Variants in COMMD6 observed in about 807,000 individuals in gnomAD.
COMMD6 encodes COMM domain containing 6.
A neutral mutation model predicts 13.4 loss-of-function variants in COMMD6; 11 were observed. The observed-to-expected ratio is 0.82, with a 90% CI of 0.52 to 1.36. COMMD6 has a LOEUF of 1.36. Among genes scored for constraint, COMMD6 ranks in the 40% most tolerant of loss-of-function variants. The pLI is 0.00. For missense variants in COMMD6, 124 were observed against 102.4 expected (o/e 1.21, Z -0.91); for synonymous variants, 43 against 36.5 (o/e 1.18, Z -0.64).
chr13:75,535,155 GAA>G (rs55887720), intron 2 of COMMD6, among the ~76,000 whole-genome samples: 74,916 of 151,230 alleles, frequency 0.5, 20,004 homozygotes, highest in East Asian at 0.66. Flanking sequence ...AGGACCTGGA[GAA>G]AAGAGCATTC....
chr13:75,537,874 T>C (rs1468288465), upstream of COMMD6: 7 of 1,496,058 alleles, frequency 4.7e-6, no homozygotes, highest in African/African-American at 1.4e-5. Context: ...CGCTTCCACG[T>C]CCTGCCCCTA....
At position 75,537,695 on chromosome 13, in the gene COMMD6, A is replaced by T; in HGVS notation, c.43-20T>A. 1 of 1,614,048 alleles carries T rather than the reference A, an allele frequency of 6.2e-7. No homozygotes were observed. The highest frequency in any genetic ancestry group is 8.5e-7 in the Non-Finnish European group (1 of 1,179,936). ...GGTGACCTGAAACGGAAGCAGAAAC[A>T]CAATTTAGAGAAACATCTTTCTTGC... On this transcript the variant is annotated intron_variant, in intron 1 of 3. Coordinates refer to ENST00000682242, the MANE Select transcript of COMMD6 (RefSeq NM_203495.4).
chr13:75,532,107 T>C (rs924076003), intron 2 of COMMD6, among the ~76,000 whole-genome samples: 3 of 152,340 alleles, frequency 2.0e-5, no homozygotes, highest in Non-Finnish European at 2.9e-5. Context: ...AAAGAGAATA[T>C]GCCTATCCTT....
intron 3 of COMMD6, chr13:75,527,818 C>T: frequency 6.6e-7 from 1 of 1,508,956 alleles, no homozygotes. Flanking sequence ...CTCACAGAAG[C>T]AGAAAGGAGA....
At chr13:75,535,767 G>C (rs986213191) in intron 2 of COMMD6, among the ~76,000 whole-genome samples, 2 of 152,192 alleles carry the variant, frequency 1.3e-5, no homozygotes, top group African/African-American at 2.4e-5. Flanking sequence ...TTGTTGCTAG[G>C]ACAGGTGGTG....
intron 2 of COMMD6, chr13:75,537,258 AT>A: frequency 7.0e-7 from 1 of 1,418,814 alleles, no homozygotes; most frequent in Non-Finnish European, 9.5e-7. Flanking sequence ...AGCATTATAA[AT>A]GCATACTCTA....
rs760912751 is a variant in COMMD6, at chr13:75,537,770, C to T, written c.36G>A (p.Lys12=). The change falls in exon 1 of 4, where the codon AAG becomes AAA. Residue 12 remains lysine (K), a synonymous_variant. Coordinates refer to ENST00000682242, the MANE Select transcript of COMMD6 (RefSeq NM_203495.4). ...CTTCCAGGTTGGAACTCACATCGGA[C>T]TTAGCATCCAGCGGCGGCTCGCTGG... The part of the protein sequence containing the change: ...EASSEPPLDA[K]SDVTNQLVDF... 3.1e-6 allele frequency: 5 copies of T among 1,612,554 alleles called. No homozygotes were observed. In the South Asian group the frequency reaches 5.5e-5, roughly 18 times the overall value.
At chr13:75,548,575 A>C (rs1234697579) in intron 1 of COMMD6, among the ~76,000 whole-genome samples, 2 of 152,138 alleles carry the variant, frequency 1.3e-5, no homozygotes, top group Non-Finnish European at 2.9e-5. Flanking sequence ...GAATCTCTTT[A>C]ATCTGTGCCT....
At chr13:75,531,879 T>G (rs778526702) in intron 2 of COMMD6, among the ~76,000 whole-genome samples, 1 of 152,222 alleles carries the variant, frequency 6.6e-6, no homozygotes, top group Non-Finnish European at 1.5e-5. Flanking sequence ...TTTTTGAATA[T>G]GTACACAGGA....
chr13:75,545,844 G>T (rs1468657234), intron 1 of COMMD6, among the ~76,000 whole-genome samples: 1 of 152,102 alleles, frequency 6.6e-6, no homozygotes, highest in Non-Finnish European at 1.5e-5. Flanking sequence ...GTGCATGCAT[G>T]AACTTCTTCA....
At chr13:75,531,886 A>G (rs2030491256) in intron 2 of COMMD6, among the ~76,000 whole-genome samples, 1 of 152,266 alleles carries the variant, frequency 6.6e-6, no homozygotes, top group African/African-American at 2.4e-5. Context: ...ATATGTACAC[A>G]GGATACATAT....
At chr13:75,546,049 T>C (rs1178183049) in intron 1 of COMMD6, among the ~76,000 whole-genome samples, 2 of 152,242 alleles carry the variant, frequency 1.3e-5, no homozygotes, top group Non-Finnish European at 2.9e-5. Flanking sequence ...CCATTCTCCA[T>C]GATGTACTTA....
At chr13:75,540,368 A>ACG (rs2030809870), upstream of COMMD6, among the ~76,000 whole-genome samples, 1 of 151,744 alleles carries the variant, frequency 6.6e-6, no homozygotes, top group Non-Finnish European at 1.5e-5. Flanking sequence ...ACACACACAC[A>ACG]CACAGACACA....
Position 75,525,857 on chromosome 13 carries a change from G to A in COMMD6, c.*732C>T, listed in dbSNP as rs981943255. On this transcript the variant is annotated 3_prime_UTR_variant, in exon 4 of 4. Transcript: ENST00000682242. ...TAAACAAATGCCATACAATGTGGTG[G>A]CTTTATAGTATAAAAGCGTTTAACA... 2 of 152,184 alleles carry A rather than the reference G, an allele frequency of 1.3e-5. No homozygotes were observed. The highest frequency in any genetic ancestry group is 4.8e-5 in the African/African-American group (2 of 41,422). 9.4% of individuals were successfully genotyped at this position (152,184 alleles called of 1,614,324 possible).
chr13:75,542,088 G>A (rs1337801316), upstream of COMMD6, among the ~76,000 whole-genome samples: 2 of 152,216 alleles, frequency 1.3e-5, no homozygotes, highest in East Asian at 3.8e-4. Context: ...CAAGGGTGAT[G>A]CCAGTCATTA....
At chr13:75,540,340 A>C (rs868648944), upstream of COMMD6, among the ~76,000 whole-genome samples, 23 of 105,174 alleles carry the variant, frequency 2.2e-4, no homozygotes, top group East Asian at 8.6e-4. Context: ...ACACACACAC[A>C]CACCCACACA....
intron 2 of COMMD6, among the ~76,000 whole-genome samples, chr13:75,530,811 T>A (rs1453106679): frequency 6.6e-6 from 1 of 152,238 alleles, no homozygotes; most frequent in Non-Finnish European, 1.5e-5. Context: ...GCTTAGGTAA[T>A]GTGCATAAAG....
intron 3 of COMMD6, 120 bp from the exon 4 acceptor site, chr13:75,526,759 C>T: frequency 1.7e-6 from 1 of 584,748 alleles, no homozygotes; most frequent in Non-Finnish European, 2.8e-6. Context: ...TTTAGTGTTA[C>T]ATTCTCAATT....
intron 3 of COMMD6, chr13:75,527,680 G>A (rs2030309475): frequency 2.2e-6 from 2 of 900,310 alleles, no homozygotes; most frequent in Non-Finnish European, 2.9e-6. Flanking sequence ...CCATAAAAAA[G>A]AAGGAAATCC....
Sources: allele counts gnomAD v4.1 joint callset (sites outside exome capture counted in the v4.1 genomes callset), GRCh38; gene constraint gnomAD v4.1.1; transcripts MANE v1.5; gene names NCBI Gene and HGNC (gene_info 2026-07-23, HGNC 2026-07-21).